KCNQ5: variants seen among roughly 807,000 people sequenced by gnomAD.
The protein encoded by KCNQ5 is potassium voltage-gated channel subfamily KQT member 5.
In KCNQ5, 30 loss-of-function variants were observed where a neutral mutation model predicts 98.2. The observed-to-expected ratio is 0.31, with a 90% CI of 0.23 to 0.41. The LOEUF is 0.41. Among genes scored for constraint, KCNQ5 ranks in the 10% least tolerant of loss-of-function variants. The pLI is 1.00. For missense variants in KCNQ5, 835 were observed against 1,182.5 expected (o/e 0.71, Z 4.31); for synonymous variants, 458 against 449.4 (o/e 1.02, Z -0.24).
intron 11 of KCNQ5, among the ~76,000 whole-genome samples, chr6:73,175,685 T>C (rs756935700): frequency 6.6e-6 from 1 of 152,038 alleles, no homozygotes; most frequent in East Asian, 1.9e-4. Flanking sequence ...ATTTGAAAAA[T>C]AGGTCTTGAG....
At chr6:72,628,302 A>G (rs1164141745) in intron 1 of KCNQ5, among the ~76,000 whole-genome samples, 2 of 152,230 alleles carry the variant, frequency 1.3e-5, no homozygotes, top group Admixed American at 1.3e-4. Context: ...GTAGGAGATT[A>G]GTGCTTTGCT....
chr6:72,941,343 T>TCC (rs1766234022), intron 1 of KCNQ5, among the ~76,000 whole-genome samples: 2 of 41,130 alleles, frequency 4.9e-5, no homozygotes, highest in African/African-American at 7.5e-5. Flanking sequence ...CTTCCTTCCT[T>TCC]TCTTCCTTCC....
intron 1 of KCNQ5, among the ~76,000 whole-genome samples, chr6:72,871,499 A>G (rs1395114357): frequency 1.3e-5 from 2 of 152,204 alleles, no homozygotes; most frequent in Admixed American, 1.3e-4. Flanking sequence ...GTGCTTTGGA[A>G]TCAATCACTA....
intron 1 of KCNQ5, among the ~76,000 whole-genome samples, chr6:72,629,954 G>A (rs942333141): frequency 6.6e-6 from 1 of 151,870 alleles, no homozygotes; most frequent in Non-Finnish European, 1.5e-5. Context: ...TCTGAAGAGT[G>A]AGCTTCCCAA....
chr6:72,722,227 T>C (rs1769996929), intron 1 of KCNQ5, among the ~76,000 whole-genome samples: 1 of 152,206 alleles, frequency 6.6e-6, no homozygotes, highest in Admixed American at 6.5e-5. Flanking sequence ...TCCAGAACTA[T>C]AAGATAATAC....
intron 1 of KCNQ5, among the ~76,000 whole-genome samples, chr6:72,714,355 T>C (rs567561511): frequency 6.6e-6 from 1 of 152,292 alleles, no homozygotes; most frequent in South Asian, 2.1e-4. Context: ...TTTGTAAAGT[T>C]CTTGTCTCTG....
chr6:72,965,024 G>T (rs533613509), intron 1 of KCNQ5, among the ~76,000 whole-genome samples: 26 of 152,000 alleles, frequency 1.7e-4, no homozygotes, highest in African/African-American at 5.1e-4. Flanking sequence ...CGTTTCCTAG[G>T]CTGGTCTCAA....
intron 1 of KCNQ5, among the ~76,000 whole-genome samples, chr6:72,721,061 T>G (rs1424718269): frequency 2.6e-5 from 4 of 152,212 alleles, no homozygotes; most frequent in African/African-American, 9.7e-5. Context: ...CCTACCTATG[T>G]GATAATGGAA....
intron 1 of KCNQ5, among the ~76,000 whole-genome samples, chr6:72,968,379 A>G (rs1191658354): frequency 6.6e-6 from 1 of 152,126 alleles, no homozygotes; most frequent in East Asian, 1.9e-4. Context: ...TGTAGAGAAG[A>G]GAAATATCAT....
At chr6:73,079,608 T>G (rs1773684660) in intron 5 of KCNQ5, among the ~76,000 whole-genome samples, 1 of 152,212 alleles carries the variant, frequency 6.6e-6, no homozygotes, top group Non-Finnish European at 1.5e-5. Flanking sequence ...CGAATTTTTT[T>G]CTTAAGTTAT....
At chr6:72,684,778 T>C (rs1767870435) in intron 1 of KCNQ5, among the ~76,000 whole-genome samples, 2 of 152,194 alleles carry the variant, frequency 1.3e-5, no homozygotes, top group Admixed American at 1.3e-4. Context: ...ATGTTACATT[T>C]GTTAATATGA....
chr6:72,928,206 T>A (rs894100495), intron 1 of KCNQ5, among the ~76,000 whole-genome samples: 4 of 152,118 alleles, frequency 2.6e-5, no homozygotes, highest in African/African-American at 9.6e-5. Context: ...TGCTTTCTGT[T>A]ACTCTTAATT....
At chr6:72,880,565 G>A (rs749931555) in intron 1 of KCNQ5, among the ~76,000 whole-genome samples, 29 of 152,100 alleles carry the variant, frequency 1.9e-4, no homozygotes, top group Non-Finnish European at 2.8e-4. Flanking sequence ...GCCAAATTCC[G>A]GTCTTCTGTG....
intron 10 of KCNQ5, among the ~76,000 whole-genome samples, chr6:73,157,102 C>CACA (rs1777392385): frequency 6.6e-6 from 1 of 152,226 alleles, no homozygotes; most frequent in Non-Finnish European, 1.5e-5. Flanking sequence ...TGAAAACAAA[C>CACA]TGTACACTCA....
At chr6:73,013,763 C>A (rs1382666726) in intron 2 of KCNQ5, among the ~76,000 whole-genome samples, 1 of 152,018 alleles carries the variant, frequency 6.6e-6, no homozygotes, top group East Asian at 1.9e-4. Flanking sequence ...ACAAGTCTAC[C>A]AAAATGCATT....
At chr6:72,906,912 C>A (rs1417569094) in intron 1 of KCNQ5, among the ~76,000 whole-genome samples, 2 of 152,280 alleles carry the variant, frequency 1.3e-5, no homozygotes, top group East Asian at 3.9e-4. Context: ...CTAGTTCTGC[C>A]TCTCATTTGC....
intron 1 of KCNQ5, among the ~76,000 whole-genome samples, chr6:72,761,913 A>T: frequency 6.6e-6 from 1 of 152,082 alleles, no homozygotes. Context: ...AGATTCCTAG[A>T]TAGTATCTGG....
intron 5 of KCNQ5, among the ~76,000 whole-genome samples, chr6:73,100,338 G>A (rs1319372788): frequency 6.6e-6 from 1 of 152,108 alleles, no homozygotes; most frequent in Non-Finnish European, 1.5e-5. Context: ...AAAGATCAGA[G>A]CAGAAATAAA....
chr6:72,728,495 A>G (rs9442837), intron 1 of KCNQ5, among the ~76,000 whole-genome samples: 55,687 of 152,044 alleles, frequency 0.37, 13,829 homozygotes, highest in African/African-American at 0.67. Flanking sequence ...TTTGAACAGA[A>G]TATTCATTGT....
Sources: gnomAD v4.1 joint callset for allele counts (sites outside exome capture counted in the v4.1 genomes callset) on GRCh38, gnomAD v4.1.1 for gene constraint, MANE v1.5 for transcripts, NCBI Gene and HGNC (gene_info 2026-07-23, HGNC 2026-07-21) for gene names.